Variants in PCDHA3 observed in about 807,000 individuals in gnomAD.
PCDHA3 encodes the protein protocadherin alpha 3, also known as protocadherin alpha-3.
A neutral mutation model predicts 62.2 loss-of-function variants in PCDHA3; 41 were observed. The observed-to-expected ratio is 0.66, with a 90% CI of 0.51 to 0.86. The LOEUF (loss-of-function observed/expected upper bound fraction) is 0.86. Ranked by LOEUF, PCDHA3 falls within the 40% of genes least tolerant of loss-of-function variation. The probability of loss-of-function intolerance (pLI) is 0.00; values close to 1 mark genes in which losing one functional copy is unlikely to be tolerated. For synonymous variants in PCDHA3, 640 were observed against 555.4 expected (o/e 1.15, Z -2.14); for missense variants, 1,304 against 1,241.2 (o/e 1.05, Z -0.76).
chr5:140,845,778 A>G (rs190937688), intron 1 of PCDHA3, among the ~76,000 whole-genome samples: 1 of 149,842 alleles, frequency 6.7e-6, no homozygotes, highest in East Asian at 1.9e-4. Context: ...GTTATAAATT[A>G]TTAATAATAA....
chr5:140,849,601 T>G lies in PCDHA3; in HGVS notation c.2394+46010T>G, dbSNP rs2150442110. ...GAGGACGCACAACTGGGGACAGTTA[T>G]TGCCCTGATTAGTGTGATCGACCTA... is the stretch of plus-strand genomic sequence containing the variant. On this transcript the variant is annotated intron_variant, in intron 1 of 3. Transcript: ENST00000522353. The G allele has an allele frequency of 3.9e-5, 63 of 1,598,652 alleles. 7 individuals carry two copies. The highest frequency in any genetic ancestry group is 2.7e-4 in the South Asian group (24 of 90,564).
At chr5:140,822,610 T>C (rs1767364157) in intron 1 of PCDHA3, 10 of 1,611,874 alleles carry the variant, frequency 6.2e-6, no homozygotes, top group Non-Finnish European at 8.5e-6. Context: ...AATAGTGTAT[T>C]TCTTTAGTAA....
chr5:140,978,906 T>C, intron 1 of PCDHA3, 43 bp from the exon 2 acceptor site: 1 of 1,613,530 alleles, frequency 6.2e-7, no homozygotes, highest in Non-Finnish European at 8.5e-7. Flanking sequence ...GGGAGAACAT[T>C]GTCTTGTCAT....
Position 140,898,113 on chromosome 5 carries a change from C to G in PCDHA3, c.2395-80836C>G, listed in dbSNP as rs369408845. 3.9e-5 allele frequency among the ~76,000 whole-genome samples: 6 copies of G among 151,952 alleles called. No individual in the cohort carries two copies. The East Asian group carries it at 1.2e-3, about 29-fold the overall frequency. ...AGCCCTTTGTCAGATGAGTAGGTTG[C>G]GAAAATTTTCTCCCATTTTGTAGGT... On this transcript the variant is annotated intron_variant, in intron 1 of 3. Coordinates refer to ENST00000522353, the MANE Select transcript of PCDHA3 (RefSeq NM_018906.3).
At chr5:140,903,625 A>T (rs2153481028) in intron 1 of PCDHA3, among the ~76,000 whole-genome samples, 1 of 152,362 alleles carries the variant, frequency 6.6e-6, no homozygotes, top group East Asian at 1.9e-4. Context: ...GTGCATGCAT[A>T]TGTATGCATA....
At chr5:140,899,228 T>G (rs1194169721) in intron 1 of PCDHA3, among the ~76,000 whole-genome samples, 1 of 152,126 alleles carries the variant, frequency 6.6e-6, no homozygotes, top group Non-Finnish European at 1.5e-5. Context: ...CAACACTATG[T>G]TGAATAGGAG....
chr5:140,810,299 G>A (rs1447707331), intron 1 of PCDHA3: 1 of 152,000 alleles, frequency 6.6e-6, no homozygotes, highest in Non-Finnish European at 1.5e-5. Context: ...TAAATATATT[G>A]TACATTTCTT....
intron 1 of PCDHA3, among the ~76,000 whole-genome samples, chr5:140,972,527 C>A (rs1173109086): frequency 6.6e-6 from 1 of 152,092 alleles, no homozygotes; most frequent in Non-Finnish European, 1.5e-5. Flanking sequence ...GAGCTTATTT[C>A]ATAAATCACT....
intron 1 of PCDHA3, chr5:140,822,943 C>T (rs1554128961): frequency 3.1e-6 from 5 of 1,614,116 alleles, no homozygotes; most frequent in Admixed American, 1.7e-5. Context: ...CTCCCTAATG[C>T]CCCACGTTCC....
chr5:141,008,594 C>A (rs1018305560), intron 3 of PCDHA3, among the ~76,000 whole-genome samples: 1 of 152,214 alleles, frequency 6.6e-6, no homozygotes, highest in African/African-American at 2.4e-5. Context: ...GCAGATTTCA[C>A]CTCCTCTGGA....
intron 1 of PCDHA3, among the ~76,000 whole-genome samples, chr5:140,916,791 G>A (rs1159820496): frequency 6.6e-6 from 1 of 152,128 alleles, no homozygotes; most frequent in Admixed American, 6.5e-5. Flanking sequence ...AGCTGCCCCA[G>A]CTGATGACTT....
chr5:140,869,316 T>C (rs782789227), intron 1 of PCDHA3: 22 of 1,613,628 alleles, frequency 1.4e-5, no homozygotes, highest in South Asian at 4.4e-5. Flanking sequence ...CCAAAACACA[T>C]GGGGACCTTC....
intron 1 of PCDHA3, among the ~76,000 whole-genome samples, chr5:140,975,386 G>A (rs2096665314): frequency 6.6e-6 from 1 of 152,252 alleles, no homozygotes; most frequent in Admixed American, 6.5e-5. Flanking sequence ...ATGGGAATAA[G>A]ATCCATCACA....
At chr5:140,856,537 G>C (rs782543512) in intron 1 of PCDHA3, 2 of 1,598,372 alleles carry the variant, frequency 1.3e-6, no homozygotes, top group East Asian at 4.5e-5. Context: ...ATGTTGGAGA[G>C]AACGCATTGC....
chr5:140,914,473 G>A (rs1162580496), intron 1 of PCDHA3, among the ~76,000 whole-genome samples: 1 of 152,116 alleles, frequency 6.6e-6, no homozygotes, highest in Admixed American at 6.6e-5. Flanking sequence ...TATCTTCATA[G>A]GTGAAGTGTT....
chr5:140,843,595 G>A, intron 1 of PCDHA3: 1 of 1,596,100 alleles, frequency 6.3e-7, no homozygotes, highest in Admixed American at 1.7e-5. Flanking sequence ...CGCAGAGGGT[G>A]TGCTCTGGTG....
intron 1 of PCDHA3, chr5:140,814,724 T>C (rs1224859908): frequency 6.6e-6 from 1 of 152,222 alleles, no homozygotes; most frequent in Non-Finnish European, 1.5e-5. Flanking sequence ...TAGGAATTTT[T>C]CAGCTCCATT....
chr5:140,808,189 T>C (rs1764117121), intron 1 of PCDHA3: 3 of 1,614,240 alleles, frequency 1.9e-6, no homozygotes, highest in Non-Finnish European at 2.5e-6. Context: ...CTGGCCATTG[T>C]AGAGTTATTG....
intron 1 of PCDHA3, chr5:140,852,642 A>T (rs2042423560): frequency 2.1e-6 from 2 of 960,454 alleles, no homozygotes; most frequent in African/African-American, 3.6e-5. Flanking sequence ...CTGTCATTAA[A>T]CCTATCTATA....
Sources: allele counts gnomAD v4.1 joint callset (sites outside exome capture counted in the v4.1 genomes callset), GRCh38; gene constraint gnomAD v4.1.1; transcripts MANE v1.5; gene names NCBI Gene and HGNC (gene_info 2026-07-23, HGNC 2026-07-21).